Variants in FAT4 observed in about 807,000 individuals in gnomAD.
FAT4 encodes protocadherin Fat 4.
Under a neutral mutation model 303.9 loss-of-function variants are expected in FAT4, and 84 were observed. That is an observed-to-expected ratio of 0.28 (90% CI 0.23 to 0.33). FAT4 has a LOEUF of 0.33. Among genes scored for constraint, FAT4 ranks in the 10% least tolerant of loss-of-function variants. The probability of loss-of-function intolerance (pLI) is 1.00; values close to 1 mark genes in which losing one functional copy is unlikely to be tolerated. For synonymous variants in FAT4, 2,307 were observed against 2,298.8 expected (o/e 1.00, Z -0.10); for missense variants, 6,005 against 6,146.8 (o/e 0.98, Z 0.77).
intron 10 of FAT4, among the ~76,000 whole-genome samples, chr4:125,460,511 C>T (rs1444988212): frequency 6.6e-6 from 1 of 152,042 alleles, no homozygotes; most frequent in Non-Finnish European, 1.5e-5. Context: ...ATTTAGCTCC[C>T]ACTTATAAGT....
intron 2 of FAT4, among the ~76,000 whole-genome samples, chr4:125,336,035 AAATAG>A (rs1731557638): frequency 6.6e-6 from 1 of 152,088 alleles, no homozygotes; most frequent in Non-Finnish European, 1.5e-5. Flanking sequence ...CTGGTCATGT[AAATAG>A]CTACTGTTCA....
intron 2 of FAT4, among the ~76,000 whole-genome samples, chr4:125,376,426 C>T (rs1733321396): frequency 6.6e-6 from 1 of 151,696 alleles, no homozygotes; most frequent in Admixed American, 6.6e-5. Context: ...CACACCGGGG[C>T]CTGTCGTGAC....
chr4:125,373,534 T>G (rs945157061), intron 2 of FAT4, among the ~76,000 whole-genome samples: 3 of 152,236 alleles, frequency 2.0e-5, no homozygotes, highest in African/African-American at 7.2e-5. Flanking sequence ...GTGTGTTTAT[T>G]GAATATTTGT....
Position 125,319,667 on chromosome 4 carries a change from G to A in FAT4, c.3256G>A (p.Val1086Ile), listed in dbSNP as rs376497691. The A allele has an allele frequency of 6.2e-6, 10 of 1,613,900 alleles. No individual in the cohort carries two copies. The highest frequency in any genetic ancestry group is 8.5e-6 in the Non-Finnish European group (10 of 1,179,916). Residue 1086 changes from valine (V) to isoleucine (I), a missense_variant, in exon 2 of 18, where the codon GTT (valine) becomes ATT (isoleucine). Coordinates refer to ENST00000394329, the MANE Select transcript of FAT4 (RefSeq NM_001291303.3). Reference protein sequence around the residue: ...AVEPLSATVNVTVILEDVNDN... With the variant: ...AVEPLSATVNITVILEDVNDN... Reference sequence around the variant, plus strand: ...GGAACCCCTTAGTGCTACTGTGAATGTTACTGTAATTTTAGAAGATGTAAA... The same window carrying A: ...GGAACCCCTTAGTGCTACTGTGAATATTACTGTAATTTTAGAAGATGTAAA...
chr4:125,388,544 G>A (rs1733853130), intron 2 of FAT4, among the ~76,000 whole-genome samples: 1 of 152,106 alleles, frequency 6.6e-6, no homozygotes, highest in African/African-American at 2.4e-5. Context: ...TTGTTTTGAA[G>A]AATAGTATAA....
rs764710852 is a variant in FAT4 at position 125,468,531 on chromosome 4, C to T, written c.11925C>T (p.Cys3975=). The change falls in exon 12 of 18, where the codon TGC becomes TGT. Residue 3975 remains cysteine, a synonymous_variant. Coordinates refer to ENST00000394329, the MANE Select transcript of FAT4 (RefSeq NM_001291303.3). ...HCPFGVFGKH[C]ELNSYGFEEL... ...CAACAGGTGTCTTTGGAAAACACTG[C>T]GAGTTGAACAGTTATGGATTTGAGG... 8.3e-6 allele frequency: 13 copies of T among 1,559,652 alleles called. No individual in the cohort carries two copies. Among genetic ancestry groups the T allele is most frequent in the Admixed American group, 1.7e-5 (1 of 57,490 alleles).
At chr4:125,458,557 A>G (rs1726372994) in intron 10 of FAT4, among the ~76,000 whole-genome samples, 1 of 151,930 alleles carries the variant, frequency 6.6e-6, no homozygotes, top group Non-Finnish European at 1.5e-5. Flanking sequence ...AATTATTTTT[A>G]TTTAATTTGA....
rs1560754763 is a variant in FAT4, at chr4:125,319,077, A to G, written c.2666A>G (p.Asn889Ser). 6.2e-7 allele frequency: 1 copy of G among 1,613,824 alleles called. No individual in the cohort carries two copies. Among genetic ancestry groups the G allele is most frequent in the Non-Finnish European group, 8.5e-7 (1 of 1,179,972 alleles). ...ATAACAGTTAAGGATTTGAATGACAACTCTCCCCATTTCCTTCAGGCAATA... is the reference window on the plus strand; with the variant it reads ...ATAACAGTTAAGGATTTGAATGACAGCTCTCCCCATTTCCTTCAGGCAATA... ...VNITVKDLND[N>S]SPHFLQAIES... Residue 889 changes from asparagine (N) to serine (S), a missense_variant, in exon 2 of 18, where the codon AAC becomes AGC. Asn to Ser is a conservative substitution (Grantham distance 46, BLOSUM62 1). Transcript: ENST00000394329.
intron 7 of FAT4, among the ~76,000 whole-genome samples, chr4:125,433,715 AGATATAAC>A (rs1725355074): frequency 3.3e-5 from 5 of 152,294 alleles, no homozygotes; most frequent in African/African-American, 1.2e-4. Context: ...AACACTTTTG[AGATATAAC>A]TTGAAGCTAT....
rs1726026469 is a variant in FAT4, at chr4:125,450,660, A to G, written c.9650A>G (p.His3217Arg). 4 of 1,613,934 alleles carry G rather than the reference A, an allele frequency of 2.5e-6. No homozygotes were observed. The highest frequency in any genetic ancestry group is 2.5e-6 in the Non-Finnish European group (3 of 1,180,008). The change falls in exon 10 of 18, where the codon CAC becomes CGC. Residue 3217 changes from histidine to arginine, a missense_variant. Physicochemically the swap from His to Arg is conservative, Grantham distance 29 (BLOSUM62 0). Coordinates refer to ENST00000394329, the MANE Select transcript of FAT4 (RefSeq NM_001291303.3). ...GCCCCAAGTGGAACAACAGTTATCCACCTAAATGCAACAGATGCTGACTCT... is the reference window on the plus strand; with the variant it reads ...GCCCCAAGTGGAACAACAGTTATCCGCCTAAATGCAACAGATGCTGACTCT... The part of the protein sequence containing the change: ...ENAPSGTTVI[H>R]LNATDADSGT...
In FAT4 at chr4:125,315,218, G is replaced by T. The variant is rs1021848185; in HGVS notation, c.-772G>T. Among the ~76,000 whole-genome samples the T allele has an allele frequency of 8.6e-5, 13 of 151,950 alleles. No individual in the cohort carries two copies. The highest frequency in any genetic ancestry group is 3.1e-4 in the African/African-American group (13 of 41,372). On this transcript the variant is annotated 5_prime_UTR_variant, in exon 1 of 18. Transcript: ENST00000394329. The stretch of plus-strand genomic sequence containing the variant: ...GGCCCCGGCCGGCGAGAGGGAGAGC[G>T]CTGACAGGCGCCGTCCGGAGCTGCG...
At chr4:125,419,260 T>C (rs1000748561) in intron 7 of FAT4, among the ~76,000 whole-genome samples, 3 of 152,214 alleles carry the variant, frequency 2.0e-5, no homozygotes, top group African/African-American at 4.8e-5. Context: ...CACTTTTGAC[T>C]TCTATTCACC....
chr4:125,481,801 C>G lies in FAT4; in HGVS notation c.12822+63C>G. The G allele has an allele frequency of 2.2e-6, 3 of 1,381,444 alleles. No individual in the cohort carries two copies. In the South Asian group the frequency reaches 3.6e-5, roughly 17 times the overall value. 85.6% of individuals were successfully genotyped at this position (1,381,444 alleles called of 1,614,324 possible). ...CCGCCTGCCGTGTAGTGGTTTAAAT[C>G]ACTTCCCCCATAATTTCTGTCCTTT... On this transcript the variant is annotated intron_variant, in intron 16 of 17. Coordinates refer to ENST00000394329, the MANE Select transcript of FAT4 (RefSeq NM_001291303.3).
At chr4:125,475,754 C>A (rs1727005491) in intron 12 of FAT4, among the ~76,000 whole-genome samples, 1 of 151,942 alleles carries the variant, frequency 6.6e-6, no homozygotes, top group Non-Finnish European at 1.5e-5. Flanking sequence ...TAGAATAAGA[C>A]TTTTGAAAAT....
rs1389382658 is a variant in FAT4 at position 125,317,534 on chromosome 4, A to G, written c.1123A>G (p.Thr375Ala). 6.2e-7 allele frequency: 1 copy of G among 1,613,788 alleles called. No homozygotes were observed. The highest frequency in any genetic ancestry group is 1.7e-5 in the Admixed American group (1 of 60,016). Residue 375 changes from threonine to alanine, a missense_variant, in exon 2 of 18, where the codon ACC becomes GCC. Coordinates refer to ENST00000394329, the MANE Select transcript of FAT4 (RefSeq NM_001291303.3). This position sits in a 1 kb window ranked among gnomAD's most constrained non-coding sequence, Gnocchi z 7.0. ...GGTAGATGAGAATGCTCAAGTGGGC[A>G]CCGTGGTGGCTCTGCTCACCGTGAC... ...ASVDENAQVG[T>A]VVALLTVTDA...
At chr4:125,456,234 G>A (rs1578666771) in intron 10 of FAT4, among the ~76,000 whole-genome samples, 2 of 152,100 alleles carry the variant, frequency 1.3e-5, no homozygotes, top group Admixed American at 1.3e-4. Context: ...TATTCTTCCT[G>A]TTTTACACTG....
chr4:125,359,199 TC>T (rs1732551864), intron 2 of FAT4, among the ~76,000 whole-genome samples: 1 of 152,118 alleles, frequency 6.6e-6, no homozygotes, highest in Non-Finnish European at 1.5e-5. Flanking sequence ...ACTACTAGTT[TC>T]CCCATTTTCC....
intron 10 of FAT4, among the ~76,000 whole-genome samples, chr4:125,457,995 C>G (rs1193843505): frequency 6.6e-6 from 1 of 151,948 alleles, no homozygotes; most frequent in Non-Finnish European, 1.5e-5. Context: ...CATCACATTC[C>G]TGGCATTAAA....
In FAT4 at chr4:125,318,294, A is replaced by C. The variant is rs1730737373; in HGVS notation, c.1883A>C (p.Asp628Ala). The C allele has an allele frequency of 6.2e-7, 1 of 1,614,224 alleles. No homozygotes were observed. Among genetic ancestry groups the C allele is most frequent in the Non-Finnish European group, 8.5e-7 (1 of 1,180,058 alleles). Reference sequence around the variant, plus strand: ...TTCTCCTTACAAGAGGCAGAGACTGACCGGAGGTCCTTCCGTCTGGATCCT... The same window carrying C: ...TTCTCCTTACAAGAGGCAGAGACTGCCCGGAGGTCCTTCCGTCTGGATCCT... ...VRFSLQEAETDRRSFRLDPVS... is the reference protein window; with the variant it reads ...VRFSLQEAETARRSFRLDPVS... Residue 628 changes from aspartate to alanine, a missense_variant, in exon 2 of 18, where the codon GAC becomes GCC. Physicochemically the swap from Asp to Ala is moderately radical, Grantham distance 126 (BLOSUM62 -2). Transcript: ENST00000394329.
Sources: allele counts gnomAD v4.1 joint callset (sites outside exome capture counted in the v4.1 genomes callset), GRCh38; gene constraint gnomAD v4.1.1; non-coding constraint Gnocchi (gnomAD v3.1); transcripts MANE v1.5; gene names NCBI Gene and HGNC (gene_info 2026-07-23, HGNC 2026-07-21).